The following MAST2 variants were observed in gnomAD, a reference collection of about 807,000 sequenced individuals.
The protein encoded by MAST2 is microtubule associated serine/threonine kinase 2.
A neutral mutation model predicts 147.4 loss-of-function variants in MAST2; 70 were observed. That is an observed-to-expected ratio of 0.47 (90% CI 0.39 to 0.58). The LOEUF is 0.58. Among genes scored for constraint, MAST2 ranks in the 20% least tolerant of loss-of-function variants. The probability of loss-of-function intolerance (pLI) is 0.00; values close to 1 mark genes in which losing one functional copy is unlikely to be tolerated. For synonymous variants in MAST2, 869 were observed against 896.8 expected (o/e 0.97, Z 0.55); for missense variants, 2,080 against 2,302.3 (o/e 0.90, Z 1.98).
At chr1:45,825,239 A>G (rs1047648172) in intron 2 of MAST2, among the ~76,000 whole-genome samples, 2 of 151,912 alleles carry the variant, frequency 1.3e-5, no homozygotes, top group African/African-American at 4.8e-5. Context: ...GTTAGCCAGG[A>G]TGGTCTCGAT....
chr1:46,009,932 G>A (rs1571193153), intron 9 of MAST2, among the ~76,000 whole-genome samples: 1 of 152,190 alleles, frequency 6.6e-6, no homozygotes, highest in Non-Finnish European at 1.5e-5. Flanking sequence ...CTAAGAACTC[G>A]TTCACAGATG....
intron 4 of MAST2, among the ~76,000 whole-genome samples, chr1:45,945,105 G>A (rs1335858664): frequency 1.3e-5 from 2 of 152,092 alleles, no homozygotes; most frequent in Non-Finnish European, 2.9e-5. Flanking sequence ...TTCATAACCA[G>A]CCTGGGCAAC....
chr1:45,964,707 T>G (rs1465970816), intron 5 of MAST2, among the ~76,000 whole-genome samples: 1 of 152,182 alleles, frequency 6.6e-6, no homozygotes, highest in Non-Finnish European at 1.5e-5. Context: ...TTTTTTTGTG[T>G]CTCTATCTCC....
At chr1:45,993,985 A>G (rs1486955288) in intron 5 of MAST2, among the ~76,000 whole-genome samples, 2 of 152,152 alleles carry the variant, frequency 1.3e-5, no homozygotes, top group Non-Finnish European at 2.9e-5. Flanking sequence ...CAAAGAAAAC[A>G]TGTGTAGGAC....
At chr1:45,861,450 C>T (rs1350477027) in intron 3 of MAST2, among the ~76,000 whole-genome samples, 1 of 150,674 alleles carries the variant, frequency 6.6e-6, no homozygotes, top group Admixed American at 6.6e-5. Context: ...TTTGGAATTT[C>T]CTTGCTCTGC....
chr1:45,865,647 A>C (rs2148109350), intron 3 of MAST2, among the ~76,000 whole-genome samples: 1 of 152,198 alleles, frequency 6.6e-6, no homozygotes, highest in South Asian at 2.1e-4. Context: ...CTACCTACCT[A>C]CCTACCTACC....
At chr1:45,891,065 T>G (rs996879037) in intron 4 of MAST2, among the ~76,000 whole-genome samples, 1 of 152,136 alleles carries the variant, frequency 6.6e-6, no homozygotes, top group African/African-American at 2.4e-5. Flanking sequence ...AACCACAAAG[T>G]GATATGTGGT....
intron 4 of MAST2, among the ~76,000 whole-genome samples, chr1:45,914,908 T>C (rs1247686726): frequency 6.6e-6 from 1 of 152,206 alleles, no homozygotes; most frequent in Non-Finnish European, 1.5e-5. Flanking sequence ...AAATGGAGTT[T>C]GTAGCTTAAG....
intron 3 of MAST2, among the ~76,000 whole-genome samples, chr1:45,866,985 A>T (rs1482604663): frequency 6.6e-6 from 1 of 152,066 alleles, no homozygotes; most frequent in Non-Finnish European, 1.5e-5. Flanking sequence ...TCCTGACCTC[A>T]GGTGATCCAC....
intron 5 of MAST2, among the ~76,000 whole-genome samples, chr1:45,989,802 T>C (rs1393415516): frequency 2.6e-5 from 4 of 152,224 alleles, no homozygotes; most frequent in African/African-American, 4.8e-5. Flanking sequence ...TATACCTACC[T>C]TTTCCAAAAT....
chr1:45,880,161 T>C (rs528592461), intron 3 of MAST2, among the ~76,000 whole-genome samples: 4 of 152,284 alleles, frequency 2.6e-5, no homozygotes, highest in African/African-American at 9.6e-5. Flanking sequence ...AAACATGTTA[T>C]AGGAATGTTA....
chr1:45,853,895 A>G (rs995296777), intron 3 of MAST2, among the ~76,000 whole-genome samples: 8 of 152,028 alleles, frequency 5.3e-5, no homozygotes, highest in Admixed American at 1.3e-4. Context: ...CTCATGATCA[A>G]TTTTGAAGTA....
intron 5 of MAST2, among the ~76,000 whole-genome samples, chr1:45,985,924 G>T (rs1644595856): frequency 6.6e-6 from 1 of 152,092 alleles, no homozygotes; most frequent in South Asian, 2.1e-4. Context: ...AGTTGATTTT[G>T]TATATTGATC....
intron 26 of MAST2, among the ~76,000 whole-genome samples, chr1:46,032,958 C>A (rs1467270519): frequency 7.1e-6 from 1 of 140,464 alleles, no homozygotes; most frequent in East Asian, 2.1e-4. Context: ...TGGTGAAACC[C>A]TGCCTCTACT....
chr1:45,965,712 C>T (rs1036532144), intron 5 of MAST2, among the ~76,000 whole-genome samples: 1 of 151,902 alleles, frequency 6.6e-6, no homozygotes, highest in African/African-American at 2.4e-5. Flanking sequence ...ATGGAAACTC[C>T]CTACCTTATT....
At chr1:45,925,672 C>A (rs1236326469) in intron 4 of MAST2, among the ~76,000 whole-genome samples, 3 of 152,176 alleles carry the variant, frequency 2.0e-5, no homozygotes, top group African/African-American at 7.2e-5. Flanking sequence ...TTTGTCAGCC[C>A]TGAAGTAGGA....
At chr1:45,921,856 T>C (rs1199031034) in intron 4 of MAST2, among the ~76,000 whole-genome samples, 1 of 152,204 alleles carries the variant, frequency 6.6e-6, no homozygotes, top group East Asian at 1.9e-4. Context: ...GCTCTGTTTG[T>C]ATTACAGCTC....
At chr1:46,017,741 A>G (rs556381761) in intron 10 of MAST2, among the ~76,000 whole-genome samples, 23 of 152,130 alleles carry the variant, frequency 1.5e-4, no homozygotes, top group South Asian at 6.2e-4. Context: ...TAGTTCAACC[A>G]TTGTGGAAGT....
intron 3 of MAST2, among the ~76,000 whole-genome samples, chr1:45,851,387 C>T (rs1187303752): frequency 1.3e-5 from 2 of 152,100 alleles, no homozygotes; most frequent in Non-Finnish European, 2.9e-5. Flanking sequence ...TTAGGGTTTT[C>T]CAGGTATAAA....
Sources: gnomAD v4.1 joint callset for allele counts (sites outside exome capture counted in the v4.1 genomes callset) on GRCh38, gnomAD v4.1.1 for gene constraint, MANE v1.5 for transcripts, NCBI Gene and HGNC (gene_info 2026-07-23, HGNC 2026-07-21) for gene names.